HORMAD2: variants seen among roughly 807,000 people sequenced by gnomAD.
HORMAD2 encodes the protein HORMA domain-containing protein 2.
Under a neutral mutation model 38.8 loss-of-function variants are expected in HORMAD2, and 45 were observed. That is an observed-to-expected ratio of 1.16 (90% CI 0.91 to 1.49). HORMAD2 has a LOEUF of 1.49. Ranked by LOEUF, HORMAD2 falls within the 40% of genes most tolerant of loss-of-function variation. The pLI is 0.00. For synonymous variants in HORMAD2, 126 were observed against 122.8 expected, an observed-to-expected ratio of 1.03 and a Z score of -0.17; for missense variants, 338 against 367.0, an observed-to-expected ratio of 0.92 and a Z score of 0.65.
chr22:30,166,263 G>T (rs1270025379), intron 10 of HORMAD2, among the ~76,000 whole-genome samples: 2 of 151,968 alleles, frequency 1.3e-5, no homozygotes, highest in African/African-American at 4.8e-5. Context: ...TAATCCCTAA[G>T]AAATTTTCTA....
chr22:30,121,522 T>C (rs1922428460), intron 8 of HORMAD2, 110 bp from the exon 9 acceptor site: 12 of 834,560 alleles, frequency 1.4e-5, no homozygotes, highest in Non-Finnish European at 2.0e-5. Flanking sequence ...AGTCTCAAAA[T>C]ATACTAATGT....
chr22:30,200,881 C>A, the HORMAD2 span, among the ~76,000 whole-genome samples: 1 of 152,136 alleles, frequency 6.6e-6, no homozygotes, highest in South Asian at 2.1e-4. Flanking sequence ...TCTCAGGTAG[C>A]TGGGACTACA....
chr22:30,142,078 A>G (rs1924118868), intron 10 of HORMAD2, among the ~76,000 whole-genome samples: 1 of 151,976 alleles, frequency 6.6e-6, no homozygotes, highest in Non-Finnish European at 1.5e-5. Flanking sequence ...AGTGAGACCC[A>G]GTCTCTACAA....
At chr22:30,178,569 T>C (rs1198410508), downstream of HORMAD2, among the ~76,000 whole-genome samples, 1 of 152,258 alleles carries the variant, frequency 6.6e-6, no homozygotes, top group Non-Finnish European at 1.5e-5. Context: ...AATGATTTAT[T>C]AGAAGGAAAG....
At chr22:30,192,156 A>G in the HORMAD2 span, 1 of 152,316 alleles carries the variant, frequency 6.6e-6, no homozygotes, top group East Asian at 1.9e-4. Flanking sequence ...GGTTCTGTGC[A>G]AGGCACTGGC....
intron 10 of HORMAD2, among the ~76,000 whole-genome samples, chr22:30,132,852 A>T (rs1923382020): frequency 6.6e-6 from 1 of 152,100 alleles, no homozygotes. Flanking sequence ...TATATGTTTC[A>T]CTCACATTAA....
the HORMAD2 span, chr22:30,206,952 C>A: frequency 7.3e-6 from 3 of 409,958 alleles, no homozygotes; most frequent in Admixed American, 2.7e-5. Flanking sequence ...CCCGGCAATT[C>A]CCCCACCCGC....
chr22:30,131,474 A>G (rs1923278827), intron 10 of HORMAD2, among the ~76,000 whole-genome samples: 1 of 152,220 alleles, frequency 6.6e-6, no homozygotes, highest in South Asian at 2.1e-4. Flanking sequence ...TTCTTTTGTA[A>G]CTAGAAATCT....
At chr22:30,177,736 T>C (rs903216296), downstream of HORMAD2, among the ~76,000 whole-genome samples, 147 of 137,764 alleles carry the variant, frequency 1.1e-3, no homozygotes, top group Admixed American at 3.0e-3. Flanking sequence ...TTTTTTTTTT[T>C]CAACATAATC....
chr22:30,164,775 T>G (rs1433278801), intron 10 of HORMAD2, among the ~76,000 whole-genome samples: 1 of 152,180 alleles, frequency 6.6e-6, no homozygotes, highest in Non-Finnish European at 1.5e-5. Flanking sequence ...ATTACAAGTG[T>G]GAGCCACCAT....
the HORMAD2 span, among the ~76,000 whole-genome samples, chr22:30,197,924 C>T: frequency 6.6e-5 from 10 of 152,084 alleles, no homozygotes; most frequent in Non-Finnish European, 1.5e-4. Context: ...GGTCTGTAAT[C>T]CCATAACTTT....
At chr22:30,160,067 C>T (rs1229059633) in intron 10 of HORMAD2, among the ~76,000 whole-genome samples, 1 of 152,008 alleles carries the variant, frequency 6.6e-6, no homozygotes, top group Non-Finnish European at 1.5e-5. Flanking sequence ...CTTTATTTAG[C>T]CCTGACTTCA....
At chr22:30,113,324 C>T (rs1845053302) in intron 7 of HORMAD2, among the ~76,000 whole-genome samples, 1 of 151,966 alleles carries the variant, frequency 6.6e-6, no homozygotes, top group Non-Finnish European at 1.5e-5. Flanking sequence ...TAGCAATTCT[C>T]CTGCCTCAGC....
At chr22:30,160,912 GT>G (rs1260663863) in intron 10 of HORMAD2, among the ~76,000 whole-genome samples, 5 of 152,186 alleles carry the variant, frequency 3.3e-5, no homozygotes, top group Non-Finnish European at 7.4e-5. Flanking sequence ...TGAAAATTAA[GT>G]TTAGGTGCAT....
At chr22:30,183,436 G>T in the HORMAD2 span, among the ~76,000 whole-genome samples, 43 of 152,220 alleles carry the variant, frequency 2.8e-4, no homozygotes, top group African/African-American at 8.4e-4. Context: ...CTGCATGCCC[G>T]TGGTGGGACC....
chr22:30,139,697 CA>C (rs1168572418), intron 10 of HORMAD2, among the ~76,000 whole-genome samples: 11 of 151,844 alleles, frequency 7.2e-5, no homozygotes, highest in Non-Finnish European at 1.6e-4. Flanking sequence ...TCTAATTTTT[CA>C]TCATTAGGTA....
chr22:30,108,172 T>C (rs1921346064), intron 5 of HORMAD2, among the ~76,000 whole-genome samples: 1 of 152,192 alleles, frequency 6.6e-6, no homozygotes, highest in Non-Finnish European at 1.5e-5. Context: ...AAAAAGAGAC[T>C]ATATTGTATA....
rs10616156 is a variant in HORMAD2 at position 30,124,256 on chromosome 22, AACACACACACACAC to A, written c.819+2066_819+2079del. Among the ~76,000 whole-genome samples, 113 of 146,530 alleles carry A rather than the reference AACACACACACACAC, an allele frequency of 7.7e-4. 1 individual carries two copies. The East Asian group carries it at 0.011, about 15-fold the overall frequency. On this transcript the variant is annotated intron_variant, in intron 10 of 10. Coordinates refer to ENST00000336726, the MANE Select transcript of HORMAD2 (RefSeq NM_152510.4). ...TTGTTTTCCTTCATGGAATACATGG[AACACACACACACAC>A]ACACACACACACACACACACACATA...
At chr22:30,202,915 T>C in the HORMAD2 span, among the ~76,000 whole-genome samples, 1 of 152,226 alleles carries the variant, frequency 6.6e-6, no homozygotes, top group Non-Finnish European at 1.5e-5. Flanking sequence ...TGCCCTGAGA[T>C]AGGGGAGAGC....
Sources: gnomAD v4.1 joint callset for allele counts (sites outside exome capture counted in the v4.1 genomes callset) on GRCh38, gnomAD v4.1.1 for gene constraint, MANE v1.5 for transcripts, NCBI Gene and HGNC (gene_info 2026-07-23, HGNC 2026-07-21) for gene names.